The following RPS29 variants were observed in gnomAD, a reference collection of about 807,000 sequenced individuals.
The protein encoded by RPS29 is small ribosomal subunit protein uS14.
For synonymous variants in RPS29, 37 were observed against 26.9 expected (o/e 1.37, Z -1.16); for missense variants, 60 against 75.7 (o/e 0.79, Z 0.77).
intron 1 of RPS29, among the ~76,000 whole-genome samples, chr14:49,591,788 T>C (rs1024262545): frequency 6.6e-6 from 1 of 151,768 alleles, no homozygotes; most frequent in South Asian, 2.1e-4. Context: ...GGCTGGCTAA[T>C]TTTTTGTGTT....
chr14:49,596,000 G>A (rs980495152), intron 1 of RPS29, among the ~76,000 whole-genome samples: 1 of 140,728 alleles, frequency 7.1e-6, no homozygotes, highest in Non-Finnish European at 1.6e-5. Context: ...GCAACAGAGC[G>A]GAAGGAAGGA....
downstream of RPS29, among the ~76,000 whole-genome samples, chr14:49,581,512 T>G (rs1881332707): frequency 6.6e-6 from 1 of 152,218 alleles, no homozygotes; most frequent in African/African-American, 2.4e-5. Context: ...GGAGTCATTC[T>G]TAGACTGGGT....
chr14:49,592,629 C>A lies in RPS29; in HGVS notation c.-133+5771G>T, dbSNP rs117768040. ...AAGTCTATGTATTAAAATTAACTTG[C>A]CGGGCGCAGTGGCTCACACCTGTAA... On this transcript the variant is annotated intron_variant, in intron 1 of 3. Coordinates refer to the RPS29 transcript ENST00000556230. Among the ~76,000 whole-genome samples the A allele has an allele frequency of 8.2e-3, 1,242 of 150,886 alleles. 7 individuals carry two copies. The highest frequency in any genetic ancestry group is 0.013 in the Admixed American group (192 of 15,162).
At chr14:49,584,101 C>T (rs1881432045) in intron 2 of RPS29, among the ~76,000 whole-genome samples, 1 of 152,240 alleles carries the variant, frequency 6.6e-6, no homozygotes, top group Admixed American at 6.5e-5. Flanking sequence ...CCCACCTCAA[C>T]CTCCTGAGTA....
intron 2 of RPS29, chr14:49,585,211 T>C (rs2139512431): frequency 6.6e-6 from 1 of 151,556 alleles, no homozygotes; most frequent in South Asian, 2.1e-4. Flanking sequence ...CTACTAAAAA[T>C]AAAAAAATTA....
intron 1 of RPS29, chr14:49,598,300 C>A: frequency 1.6e-6 from 1 of 607,338 alleles, no homozygotes; most frequent in South Asian, 1.9e-5. Flanking sequence ...CGTCCTAGTT[C>A]AATCAATCAA....
Position 49,586,337 on chromosome 14 carries a change from G to C in RPS29, c.10C>G (p.Gln4Glu), listed in dbSNP as rs2038298210. 1 of 1,613,776 alleles carries C rather than the reference G, an allele frequency of 6.2e-7. No individual in the cohort carries two copies. The highest frequency in any genetic ancestry group is 1.7e-5 in the Admixed American group (1 of 60,002). MGHQQLYWSHPRKF... is the reference protein window; with the variant it reads MGHEQLYWSHPRKF... ...CGCGGGTGGCTCCAGTACAGCTGCTGGTGACCCATCTTGCTCTCAGCAGTG... is the reference window on the plus strand; with the variant it reads ...CGCGGGTGGCTCCAGTACAGCTGCTCGTGACCCATCTTGCTCTCAGCAGTG... The change falls in exon 1 of 3, where the codon CAG (glutamine) becomes GAG (glutamate). Residue 4 changes from glutamine to glutamate, a missense_variant. Physicochemically the swap from Gln to Glu is conservative, Grantham distance 29. Coordinates refer to ENST00000245458, the MANE Select transcript of RPS29 (RefSeq NM_001032.5).
intron 1 of RPS29, among the ~76,000 whole-genome samples, chr14:49,593,692 CAAAAAAAAAAAAA>C (rs10647593): frequency 1.8e-5 from 1 of 56,302 alleles, no homozygotes; most frequent in Non-Finnish European, 3.2e-5. Context: ...GACTCTGTCT[CAAAAAAAAAAAAA>C]AAAAAAAAAA....
At chr14:49,577,492 ACAT>A (rs1881215734) in exon 3 of RPS29, 1 of 489,040 alleles carries the variant, frequency 2.0e-6, no homozygotes, top group Admixed American at 2.8e-5. Context: ...CTTGGAAGAA[ACAT>A]CATGAGTGAT....
chr14:49,577,813 C>T, exon 3 of RPS29: 1 of 1,604,068 alleles, frequency 6.2e-7, no homozygotes. Flanking sequence ...AGATGGGTGT[C>T]ACCTCCATAG....
downstream of RPS29, among the ~76,000 whole-genome samples, chr14:49,578,884 A>G (rs996185091): frequency 1.1e-4 from 16 of 152,068 alleles, no homozygotes; most frequent in African/African-American, 3.9e-4. Context: ...TTGAACATTT[A>G]CAGTTTAGTG....
intron 1 of RPS29, chr14:49,592,108 A>G (rs973886380): frequency 2.0e-5 from 3 of 152,176 alleles, no homozygotes; most frequent in Non-Finnish European, 4.4e-5. Flanking sequence ...GTATAAGGAA[A>G]TACACCTTTG....
upstream of RPS29, among the ~76,000 whole-genome samples, chr14:49,589,209 A>T (rs937230543): frequency 6.6e-6 from 1 of 152,078 alleles, no homozygotes; most frequent in Non-Finnish European, 1.5e-5. Flanking sequence ...CATGGGTTTG[A>T]AATGCTTCTT....
chr14:49,586,505 G>A (rs1881564341), upstream of RPS29: 2 of 669,240 alleles, frequency 3.0e-6, no homozygotes, highest in African/African-American at 1.8e-5. Context: ...AAATCTTAGA[G>A]GCGTTGTGGG....
chr14:49,572,382 T>C (rs1881075888), exon 3 of RPS29: 1 of 152,266 alleles, frequency 6.6e-6, no homozygotes, highest in Non-Finnish European at 1.5e-5. Flanking sequence ...GTGCAAGAAT[T>C]GAATTTCAAT....
chr14:49,571,769 C>G (rs1881062982), exon 3 of RPS29: 2 of 152,184 alleles, frequency 1.3e-5, no homozygotes, highest in African/African-American at 4.8e-5. Context: ...GACATGAAAG[C>G]TTCGCATCCA....
chr14:49,590,941 C>T (rs902614835), upstream of RPS29, among the ~76,000 whole-genome samples: 8 of 152,270 alleles, frequency 5.3e-5, no homozygotes, highest in South Asian at 1.7e-3. Flanking sequence ...TCTTCCCCCT[C>T]AGCCTCCCAA....
At chr14:49,577,245 T>C (rs1322461591) in exon 3 of RPS29, 1 of 154,630 alleles carries the variant, frequency 6.5e-6, no homozygotes, top group African/African-American at 2.4e-5. Context: ...AAACAATACA[T>C]AAATAAAATT....
exon 3 of RPS29, chr14:49,574,651 G>A (rs1881132247): frequency 6.6e-6 from 1 of 152,182 alleles, no homozygotes; most frequent in South Asian, 2.1e-4. Flanking sequence ...CAATGGAAAT[G>A]CACTCCCTTT....
Sources: allele counts gnomAD v4.1 joint callset (sites outside exome capture counted in the v4.1 genomes callset), GRCh38; gene constraint gnomAD v4.1.1; transcripts MANE v1.5; gene names NCBI Gene and HGNC (gene_info 2026-07-23, HGNC 2026-07-21).